Variants in ARGFX observed in about 807,000 individuals in gnomAD.
ARGFX encodes arginine-fifty homeobox.
Under a neutral mutation model 8.0 loss-of-function variants are expected in ARGFX, and 10 were observed. That is an observed-to-expected ratio of 1.25 (90% CI 0.77 to 2.12). The LOEUF is 2.12. Ranked by LOEUF, ARGFX falls within the 30% of genes most tolerant of loss-of-function variation. The probability of loss-of-function intolerance (pLI) is 0.00; values close to 1 mark genes in which losing one functional copy is unlikely to be tolerated. For synonymous variants in ARGFX, 116 were observed against 117.8 expected (o/e 0.98, Z 0.10); for missense variants, 282 against 324.3 (o/e 0.87, Z 1.00).
At chr3:121,569,362 C>CTTTTTTTTTTTTTTTTTTTTTTT (rs1193645372) in intron 1 of ARGFX, among the ~76,000 whole-genome samples, 1 of 125,558 alleles carries the variant, frequency 8.0e-6, no homozygotes, top group African/African-American at 3.0e-5. Context: ...AATGTGAAAA[C>CTTTTTTTTTTTTTTTTTTTTTTT]TTTTTTTTTT....
chr3:121,577,259 A>ATATATATATATAT (rs1403064031), intron 3 of ARGFX, among the ~76,000 whole-genome samples: 19 of 59,604 alleles, frequency 3.2e-4, no homozygotes, highest in African/African-American at 8.7e-4. Context: ...ATATATATAT[A>ATATATATATATAT]TTTTTTTTTT....
intron 3 of ARGFX, 25 bp from the exon 4 acceptor site, chr3:121,584,892 C>A: frequency 6.3e-7 from 1 of 1,597,256 alleles, no homozygotes; most frequent in Non-Finnish European, 8.5e-7. Context: ...AATGTAACCA[C>A]CCCTTCTTTA....
Position 121,589,480 on chromosome 3 carries a change from GA to G in ARGFX, c.*2881del, listed in dbSNP as rs1374518034. ...GCAACCTCCGCCTCCTGGGTCAAAT[GA>G]TTCTCCTGCTTTAGCCTCCCAAGTA... On this transcript the variant is annotated 3_prime_UTR_variant, in exon 5 of 5. Coordinates refer to ENST00000334384, the MANE Select transcript of ARGFX (RefSeq NM_001012659.2). Among the ~76,000 whole-genome samples, 1 of 151,906 alleles carries G rather than the reference GA, an allele frequency of 6.6e-6. No individual in the cohort carries two copies.
chr3:121,586,122 C>T lies in ARGFX; in HGVS notation c.470C>T (p.Thr157Ile), dbSNP rs772436631. 135 of 1,612,698 alleles carry T rather than the reference C, an allele frequency of 8.4e-5. No individual in the cohort carries two copies. Among genetic ancestry groups the T allele is most frequent in the Non-Finnish European group, 1.1e-4 (124 of 1,179,616 alleles). Residue 157 changes from threonine (T) to isoleucine (I), a missense_variant, in exon 5 of 5, where the codon ACC (threonine) becomes ATC (isoleucine). Thr to Ile is a moderately conservative substitution (Grantham distance 89). Coordinates refer to ENST00000334384, the MANE Select transcript of ARGFX (RefSeq NM_001012659.2). The part of the protein sequence containing the change: ...QILPSKKNVP[T>I]SPRTSPSPYA... The stretch of plus-strand genomic sequence containing the variant: ...CTTCCATCCAAGAAGAATGTGCCCA[C>T]CTCCCCCAGAACATCCCCCAGTCCT...
chr3:121,583,610 C>T (rs2048793327), intron 3 of ARGFX, among the ~76,000 whole-genome samples: 1 of 151,698 alleles, frequency 6.6e-6, no homozygotes. Flanking sequence ...TCACTACAGC[C>T]TCAACCTCCT....
At chr3:121,569,362 CTT>C (rs1193645372) in intron 1 of ARGFX, among the ~76,000 whole-genome samples, 64 of 125,540 alleles carry the variant, frequency 5.1e-4, no homozygotes, top group South Asian at 1.3e-3. Flanking sequence ...AATGTGAAAA[CTT>C]TTTTTTTTTT....
intron 2 of ARGFX, among the ~76,000 whole-genome samples, chr3:121,575,458 T>C (rs556944531): frequency 5.9e-5 from 9 of 152,190 alleles, no homozygotes; most frequent in Non-Finnish European, 1.2e-4. Flanking sequence ...ATGAGCTCTT[T>C]TCGCTATAGT....
intron 1 of ARGFX, among the ~76,000 whole-genome samples, chr3:121,569,261 G>A (rs939141840): frequency 2.7e-4 from 41 of 152,178 alleles, no homozygotes; most frequent in African/African-American, 9.9e-4. Context: ...CTAGAAAAAG[G>A]AGTATTCTTG....
intron 2 of ARGFX, among the ~76,000 whole-genome samples, chr3:121,572,604 T>C (rs1389294085): frequency 1.3e-5 from 2 of 152,096 alleles, no homozygotes; most frequent in African/African-American, 4.8e-5. Context: ...TTTAATGCAA[T>C]CCCTATAAAA....
intron 3 of ARGFX, among the ~76,000 whole-genome samples, chr3:121,583,125 G>A (rs1156790268): frequency 6.6e-6 from 1 of 150,676 alleles, no homozygotes; most frequent in African/African-American, 2.5e-5. Flanking sequence ...CACCTCCAGG[G>A]TTCAAGCAAT....
intron 2 of ARGFX, among the ~76,000 whole-genome samples, chr3:121,574,598 G>A (rs1039737715): frequency 6.6e-6 from 1 of 152,214 alleles, no homozygotes. Flanking sequence ...TCTGACAGGA[G>A]GCGGAGCTCT....
chr3:121,580,567 A>AGTGTGTGTGTGTGTGTGTGTGT (rs143363410), intron 3 of ARGFX, among the ~76,000 whole-genome samples: 8 of 128,124 alleles, frequency 6.2e-5, no homozygotes, highest in Middle Eastern at 4.2e-3. Context: ...TATAAAGAAA[A>AGTGTGTGTGTGTGTGTGTGTGT]GTGTGTGTGT....
intron 3 of ARGFX, among the ~76,000 whole-genome samples, chr3:121,577,201 G>GTA (rs57336438): frequency 0.11 from 12,501 of 110,432 alleles, 1,228 homozygotes; most frequent in Admixed American, 0.26. Context: ...ATGTGTGTAT[G>GTA]TATATATATA....
intron 3 of ARGFX, among the ~76,000 whole-genome samples, chr3:121,580,163 A>G (rs1369559537): frequency 2.0e-5 from 3 of 150,746 alleles, no homozygotes; most frequent in Non-Finnish European, 3.0e-5. Flanking sequence ...ACGGGATTTC[A>G]CCATGTGGTC....
chr3:121,585,035 G>A lies in ARGFX; in HGVS notation c.339G>A (p.Leu113=), dbSNP rs757884820. 2 of 1,613,944 alleles carry A rather than the reference G, an allele frequency of 1.2e-6. No individual in the cohort carries two copies. The highest frequency in any genetic ancestry group is 1.7e-6 in the Non-Finnish European group (2 of 1,179,986). ...PDRNLQEKLA[L]RLDLPESTVK... Reference sequence around the variant, plus strand: ...GAAATCTTCAGGAGAAACTAGCTTTGAGACTCGACCTACCGGAGTCAACAG... The same window carrying A: ...GAAATCTTCAGGAGAAACTAGCTTTAAGACTCGACCTACCGGAGTCAACAG... Residue 113 remains leucine, a synonymous_variant, in exon 4 of 5, where the codon TTG becomes TTA. Coordinates refer to ENST00000334384, the MANE Select transcript of ARGFX (RefSeq NM_001012659.2).
intron 2 of ARGFX, among the ~76,000 whole-genome samples, chr3:121,571,287 G>T (rs2048706405): frequency 6.6e-6 from 1 of 152,052 alleles, no homozygotes; most frequent in African/African-American, 2.4e-5. Context: ...TTATCCTGGA[G>T]ATTTCCCAAA....
chr3:121,582,406 T>C (rs1056125704), intron 3 of ARGFX, among the ~76,000 whole-genome samples: 1 of 152,078 alleles, frequency 6.6e-6, no homozygotes, highest in African/African-American at 2.4e-5. Flanking sequence ...CTAAGGTAAA[T>C]ACAGTTTGAG....
Position 121,576,889 on chromosome 3 carries a change from CTGCGACTACAGGTGCG to C in ARGFX, c.213_220+8del. The C allele has an allele frequency of 2.7e-6, 1 of 373,230 alleles. No individual in the cohort carries two copies. Among genetic ancestry groups the C allele is most frequent in the South Asian group, 2.0e-5 (1 of 50,368 alleles). 23.1% of individuals were successfully genotyped at this position (373,230 alleles called of 1,614,324 possible). ...CCTCCCACCTCAGCCTCCCGAGTAGCTGCGACTACAGGTGCGTGCCACTACACCCTCTTTTGTAGAG... is the reference window on the plus strand; with the variant it reads ...CCTCCCACCTCAGCCTCCCGAGTAGCTGCCACTACACCCTCTTTTGTAGAG... On this transcript the variant is annotated splice_donor_variant and splice_donor_5th_base_variant and coding_sequence_variant and intron_variant, in exon 3 of 5. Coordinates refer to ENST00000334384, the MANE Select transcript of ARGFX (RefSeq NM_001012659.2). LOFTEE classifies it high-confidence loss of function.
At chr3:121,576,723 CTTTCTTTCTTTCTT>C (rs2048739746) in intron 2 of ARGFX, 47 bp from the exon 3 acceptor site, 1 of 258,500 alleles carries the variant, frequency 3.9e-6, no homozygotes. Context: ...TTCTTTCTTT[CTTTCTTTCTTTCTT>C]TCTTTCTTTT....
Sources: gnomAD v4.1 joint callset for allele counts (sites outside exome capture counted in the v4.1 genomes callset) on GRCh38, gnomAD v4.1.1 for gene constraint, MANE v1.5 for transcripts, NCBI Gene and HGNC (gene_info 2026-07-23, HGNC 2026-07-21) for gene names.